Variants in MAP3K20 observed in about 807,000 individuals in gnomAD.
The protein encoded by MAP3K20 is mitogen-activated protein kinase kinase kinase 20, also known as HCCS-4.
In MAP3K20, 40 loss-of-function variants were observed where a neutral mutation model predicts 85.7. That is an observed-to-expected ratio of 0.47 (90% confidence interval 0.36 to 0.61). MAP3K20 has a LOEUF of 0.61. MAP3K20 is among the 20% of genes least tolerant of loss of function. The probability of loss-of-function intolerance (pLI) is 0.00; values close to 1 mark genes in which losing one functional copy is unlikely to be tolerated. For synonymous variants in MAP3K20, 325 were observed against 327.7 expected (o/e 0.99, Z 0.09); for missense variants, 817 against 961.7 (o/e 0.85, Z 1.99).
rs374896817 is a variant in MAP3K20 at position 173,110,696 on chromosome 2, C to T, written c.159+19506C>T. On this transcript the variant is annotated intron_variant, in intron 2 of 19. Coordinates refer to ENST00000375213, the MANE Select transcript of MAP3K20 (RefSeq NM_016653.3). Reference sequence around the variant, plus strand: ...TGTTTGGTTTTCCATTCCTGAGTTACTTCACTTAGAATAATAATCTCCTCC... The same window carrying T: ...TGTTTGGTTTTCCATTCCTGAGTTATTTCACTTAGAATAATAATCTCCTCC... 2.0e-5 allele frequency among the ~76,000 whole-genome samples: 3 copies of T among 152,204 alleles called. No homozygotes were observed. In the East Asian group the frequency reaches 5.8e-4, roughly 29 times the overall value.
chr2:173,100,666 C>A (rs1687612766), intron 2 of MAP3K20, among the ~76,000 whole-genome samples: 2 of 152,124 alleles, frequency 1.3e-5, no homozygotes, highest in South Asian at 2.1e-4. Flanking sequence ...TTAGGTATTG[C>A]CCTTTCTGTA....
chr2:173,087,384 A>C (rs927208845), intron 1 of MAP3K20, among the ~76,000 whole-genome samples: 3 of 152,218 alleles, frequency 2.0e-5, no homozygotes, highest in Non-Finnish European at 4.4e-5. Context: ...AGGTCAGTGT[A>C]TATTGGGAAG....
At chr2:173,110,800 C>A (rs1233838315) in intron 2 of MAP3K20, among the ~76,000 whole-genome samples, 1 of 152,030 alleles carries the variant, frequency 6.6e-6, no homozygotes, top group Non-Finnish European at 1.5e-5. Flanking sequence ...ATATATAGAC[C>A]ACAGTTTCTT....
intron 11 of MAP3K20, chr2:173,223,732 C>G: frequency 1.0e-6 from 1 of 985,446 alleles, no homozygotes. Flanking sequence ...CCCACATACC[C>G]ATGCTACTAG....
chr2:173,175,193 A>G (rs1395036844), intron 3 of MAP3K20, among the ~76,000 whole-genome samples: 1 of 152,204 alleles, frequency 6.6e-6, no homozygotes, highest in African/African-American at 2.4e-5. Context: ...TTCCCCAAAC[A>G]GTATTTTGTT....
chr2:173,183,730 G>C (rs1251650465), intron 4 of MAP3K20, among the ~76,000 whole-genome samples: 1 of 152,044 alleles, frequency 6.6e-6, no homozygotes, highest in Non-Finnish European at 1.5e-5. Context: ...CCTACAAAGT[G>C]TGTCTGAATT....
chr2:173,221,611 G>C, intron 11 of MAP3K20: 4 of 1,372,946 alleles, frequency 2.9e-6, no homozygotes, highest in Non-Finnish European at 3.8e-6. Flanking sequence ...TACAAAAACA[G>C]TAAGGAGGCA....
chr2:173,141,106 G>A (rs1404774105), intron 2 of MAP3K20, among the ~76,000 whole-genome samples: 3 of 151,942 alleles, frequency 2.0e-5, no homozygotes, highest in Non-Finnish European at 4.4e-5. Context: ...GTATACTGAG[G>A]CACTTTTTTA....
chr2:173,112,775 A>G (rs1688011929), intron 2 of MAP3K20, among the ~76,000 whole-genome samples: 1 of 151,958 alleles, frequency 6.6e-6, no homozygotes, highest in Admixed American at 6.6e-5. Context: ...CCACTTGATC[A>G]TGGTAGATTA....
intron 11 of MAP3K20, chr2:173,221,732 G>T: frequency 7.8e-7 from 1 of 1,285,250 alleles, no homozygotes; most frequent in Non-Finnish European, 9.9e-7. Flanking sequence ...TTAAGCCAAA[G>T]AAGTATATTT....
intron 17 of MAP3K20, among the ~76,000 whole-genome samples, chr2:173,260,815 G>A (rs1202174891): frequency 4.6e-5 from 7 of 152,164 alleles, no homozygotes; most frequent in Admixed American, 3.9e-4. Flanking sequence ...ATGTTATATC[G>A]GAAAAGAAGA....
At chr2:173,127,941 C>G (rs1688490958) in intron 2 of MAP3K20, among the ~76,000 whole-genome samples, 1 of 152,062 alleles carries the variant, frequency 6.6e-6, no homozygotes, top group African/African-American at 2.4e-5. Context: ...ACATACATGC[C>G]CAAAGTCATA....
At chr2:173,176,384 A>G (rs772968982) in intron 3 of MAP3K20, among the ~76,000 whole-genome samples, 8 of 151,986 alleles carry the variant, frequency 5.3e-5, no homozygotes, top group Non-Finnish European at 1.2e-4. Flanking sequence ...ATGTATGTAG[A>G]TATATTAATA....
intron 16 of MAP3K20, among the ~76,000 whole-genome samples, chr2:173,240,121 G>T (rs374145380): frequency 1.7e-4 from 26 of 152,348 alleles, no homozygotes; most frequent in Middle Eastern, 6.8e-3. Flanking sequence ...GTACTGAAGT[G>T]TGAAAACTAC....
At chr2:173,194,775 TA>T (rs539242765) in intron 7 of MAP3K20, among the ~76,000 whole-genome samples, 1,930 of 151,958 alleles carry the variant, frequency 0.013, 23 homozygotes, top group Middle Eastern at 0.024. Context: ...GTTTTTTTTT[TA>T]AAATCCACCC....
At chr2:173,154,333 G>A (rs1208587712) in intron 2 of MAP3K20, among the ~76,000 whole-genome samples, 1 of 152,112 alleles carries the variant, frequency 6.6e-6, no homozygotes, top group Admixed American at 6.5e-5. Flanking sequence ...ATAGGCGTGT[G>A]CCACCATACC....
chr2:173,210,509 A>T (rs1051591773), intron 10 of MAP3K20: 2 of 152,246 alleles, frequency 1.3e-5, no homozygotes, highest in Admixed American at 6.5e-5. Flanking sequence ...TCTGCTAGTG[A>T]AGGGGGATAG....
chr2:173,230,788 G>A (rs768882751), intron 12 of MAP3K20, among the ~76,000 whole-genome samples: 6 of 152,154 alleles, frequency 3.9e-5, no homozygotes, highest in Admixed American at 2.6e-4. Flanking sequence ...TTGAGGTCAG[G>A]AGTTCGAGAC....
intron 2 of MAP3K20, among the ~76,000 whole-genome samples, chr2:173,169,421 T>C (rs181175055): frequency 6.6e-6 from 1 of 152,220 alleles, no homozygotes; most frequent in Non-Finnish European, 1.5e-5. Flanking sequence ...TTTGTAAATG[T>C]ACATAGAAGA....
Sources: allele counts gnomAD v4.1 joint callset (sites outside exome capture counted in the v4.1 genomes callset), GRCh38; gene constraint gnomAD v4.1.1; transcripts MANE v1.5; gene names NCBI Gene and HGNC (gene_info 2026-07-23, HGNC 2026-07-21).